ALDH1L2: variants seen among roughly 807,000 people sequenced by gnomAD.
The protein encoded by ALDH1L2 is aldehyde dehydrogenase 1 family member L2, also known as mitochondrial 10-formyltetrahydrofolate dehydrogenase.
In ALDH1L2, 91 loss-of-function variants were observed where a neutral mutation model predicts 111.0. The ratio of observed to expected loss-of-function variants is 0.82; its 90% CI spans 0.69 to 0.98. The LOEUF (loss-of-function observed/expected upper bound fraction) is 0.98. ALDH1L2 is among the 50% of genes least tolerant of loss of function. ALDH1L2 has a pLI of 0.00. For synonymous variants in ALDH1L2, 374 were observed against 392.6 expected, an observed-to-expected ratio of 0.95 and a Z score of 0.56; for missense variants, 995 against 1,126.8, an observed-to-expected ratio of 0.88 and a Z score of 1.67.
At chr12:105,076,908 A>G (rs1348849799) in intron 1 of ALDH1L2, among the ~76,000 whole-genome samples, 1 of 152,252 alleles carries the variant, frequency 6.6e-6, no homozygotes, top group Admixed American at 6.5e-5. Context: ...TGCAAATGAG[A>G]AAACAAAGGG....
At position 105,023,627 on chromosome 12, in the gene ALDH1L2, T is replaced by A. The variant is rs948188539; in HGVS notation, c.*797A>T. On this transcript the variant is annotated 3_prime_UTR_variant, in exon 23 of 23. Coordinates refer to ENST00000258494, the MANE Select transcript of ALDH1L2 (RefSeq NM_001034173.4). ...AGGGTCCTGAGGAAGGCATTTACTA[T>A]CCCTGTTTTACACATAGGGAAGCAG... The A allele has an allele frequency of 3.7e-4, 57 of 152,202 alleles. No individual in the cohort carries two copies. Among genetic ancestry groups the A allele is most frequent in the African/African-American group, 1.4e-3 (57 of 41,462 alleles). 9.4% of individuals were successfully genotyped at this position (152,202 alleles called of 1,614,324 possible). A position where few individuals can be genotyped will look rare whatever the true frequency, so the allele number is the denominator to read the frequency against.
intron 1 of ALDH1L2, among the ~76,000 whole-genome samples, chr12:105,075,294 A>C (rs142327491): frequency 2.0e-3 from 311 of 152,356 alleles, no homozygotes; most frequent in African/African-American, 7.2e-3. Context: ...TATTTAAAGA[A>C]GCCATGTTGG....
At chr12:105,065,221 G>T in intron 6 of ALDH1L2, 46 bp downstream of exon 6, 2 of 1,152,664 alleles carry the variant, frequency 1.7e-6, no homozygotes, top group Non-Finnish European at 2.4e-6. Context: ...TCTTACAAAG[G>T]TAATAATCGG....
intron 18 of ALDH1L2, among the ~76,000 whole-genome samples, chr12:105,035,730 T>C (rs1315603488): frequency 1.3e-5 from 2 of 151,462 alleles, no homozygotes; most frequent in East Asian, 1.9e-4. Flanking sequence ...AAATGACGGA[T>C]TTGGAAGACT....
At chr12:105,025,308 A>G (rs1377138148) in intron 22 of ALDH1L2, among the ~76,000 whole-genome samples, 2 of 152,210 alleles carry the variant, frequency 1.3e-5, no homozygotes, top group Non-Finnish European at 2.9e-5. Context: ...GGTGATTTGA[A>G]TCCACTGTGC....
chr12:105,042,941 G>T (rs1158845699), intron 15 of ALDH1L2, among the ~76,000 whole-genome samples: 3 of 152,218 alleles, frequency 2.0e-5, no homozygotes, highest in Admixed American at 6.5e-5. Context: ...TATTTGGTTA[G>T]CTTGGACTCT....
chr12:105,047,030 A>G (rs1875965499), intron 13 of ALDH1L2, 61 bp from the exon 14 acceptor site: 4 of 1,555,032 alleles, frequency 2.6e-6, no homozygotes, highest in Admixed American at 1.7e-5. Flanking sequence ...TTTCATCTCA[A>G]AGGATCCATT....
chr12:105,067,250 A>G (rs1877427434), intron 4 of ALDH1L2, among the ~76,000 whole-genome samples: 1 of 151,886 alleles, frequency 6.6e-6, no homozygotes, highest in Admixed American at 6.6e-5. Flanking sequence ...AGAAAAAGAA[A>G]AAGAGCTAAG....
intron 10 of ALDH1L2, among the ~76,000 whole-genome samples, chr12:105,053,650 C>T (rs910284172): frequency 2.0e-5 from 3 of 152,100 alleles, no homozygotes; most frequent in African/African-American, 7.2e-5. Flanking sequence ...CTTGCCTTTT[C>T]CCACACTGAG....
chr12:105,068,690 C>T (rs1410720561), intron 4 of ALDH1L2, 29 bp downstream of exon 4: 21 of 1,410,106 alleles, frequency 1.5e-5, no homozygotes, highest in Non-Finnish European at 2.0e-5. Flanking sequence ...TAAAGGTTTA[C>T]TAAATTCTGG....
At chr12:105,071,752 G>T (rs1447875030) in intron 2 of ALDH1L2, among the ~76,000 whole-genome samples, 2 of 135,944 alleles carry the variant, frequency 1.5e-5, no homozygotes, top group Non-Finnish European at 3.1e-5. Flanking sequence ...CGCCTCCCGG[G>T]TTCATGCCAT....
chr12:105,068,922 A>C (rs1364027380), intron 3 of ALDH1L2, 38 bp from the exon 4 acceptor site: 1 of 1,462,788 alleles, frequency 6.8e-7, no homozygotes, highest in East Asian at 2.4e-5. Flanking sequence ...ATGTTGGTTA[A>C]CTGTATCATA....
intron 15 of ALDH1L2, among the ~76,000 whole-genome samples, chr12:105,041,526 AT>A (rs1366302752): frequency 6.6e-6 from 1 of 152,226 alleles, no homozygotes; most frequent in Non-Finnish European, 1.5e-5. Flanking sequence ...TATTTTATAC[AT>A]TGTAGTTAAC....
intron 16 of ALDH1L2, among the ~76,000 whole-genome samples, chr12:105,040,019 C>T (rs1351669987): frequency 6.7e-6 from 1 of 150,106 alleles, no homozygotes; most frequent in African/African-American, 2.5e-5. Context: ...ATCCCAGCTA[C>T]TCAGGAGGCT....
In ALDH1L2 at chr12:105,061,711, G is replaced by T; in HGVS notation, c.963C>A (p.Ile321=). The T allele has an allele frequency of 6.2e-7, 1 of 1,614,044 alleles. No individual in the cohort carries two copies. ...RNLQFEDGKM[I]PASQYFSTGE... ...CCGTTGAAAAGTACTGAGAGGCAGG[G>T]ATCATTTTTCCATCTTCAAACTGCA... Residue 321 remains isoleucine, a synonymous_variant, in exon 8 of 23, where the codon ATC becomes ATA. Coordinates refer to ENST00000258494, the MANE Select transcript of ALDH1L2 (RefSeq NM_001034173.4).
intron 2 of ALDH1L2, among the ~76,000 whole-genome samples, chr12:105,071,406 T>C (rs1877676469): frequency 6.6e-6 from 1 of 151,864 alleles, no homozygotes; most frequent in Non-Finnish European, 1.5e-5. Flanking sequence ...TTGGCCTCAC[T>C]AAGCAGACCA....
At chr12:105,071,414 C>T (rs1048687879) in intron 2 of ALDH1L2, among the ~76,000 whole-genome samples, 1 of 151,690 alleles carries the variant, frequency 6.6e-6, no homozygotes, top group Admixed American at 6.6e-5. Flanking sequence ...ACTAAGCAGA[C>T]CAGGGTCTCC....
At chr12:105,061,206 T>C (rs1876980707) in intron 8 of ALDH1L2, 134 bp from the exon 9 acceptor site, 2 of 756,936 alleles carry the variant, frequency 2.6e-6, no homozygotes, top group Non-Finnish European at 4.3e-6. Flanking sequence ...ATCACATTTC[T>C]CAGCGCCTCT....
intron 10 of ALDH1L2, among the ~76,000 whole-genome samples, chr12:105,053,673 A>G (rs1249155603): frequency 2.0e-5 from 3 of 152,300 alleles, no homozygotes; most frequent in East Asian, 3.9e-4. Context: ...CTCATGATCT[A>G]TGAGCTATTT....
Sources: allele counts gnomAD v4.1 joint callset (sites outside exome capture counted in the v4.1 genomes callset), GRCh38; gene constraint gnomAD v4.1.1; transcripts MANE v1.5; gene names NCBI Gene and HGNC (gene_info 2026-07-23, HGNC 2026-07-21).